The following ROBO2 variants were observed in gnomAD, a reference collection of about 807,000 sequenced individuals.
ROBO2 encodes roundabout homolog 2.
In ROBO2, 53 loss-of-function variants were observed where a neutral mutation model predicts 160.8. That is an observed-to-expected ratio of 0.33 (90% CI 0.26 to 0.41). The LOEUF (loss-of-function observed/expected upper bound fraction) is 0.41, where lower values mean the gene tolerates loss of function less well. ROBO2 is among the 10% of genes least tolerant of loss of function. ROBO2 has a pLI of 1.00. For synonymous variants in ROBO2, 664 were observed against 611.7 expected, an observed-to-expected ratio of 1.09 and a Z score of -1.26; for missense variants, 1,577 against 1,722.4, an observed-to-expected ratio of 0.92 and a Z score of 1.49.
At chr3:76,687,483 A>G (rs72888382) in intron 2 of ROBO2, among the ~76,000 whole-genome samples, 4,740 of 152,184 alleles carry the variant, frequency 0.031, 238 homozygotes, top group African/African-American at 0.1. Context: ...TGACAGTCAC[A>G]TGATCAAAAA....
chr3:76,904,958 C>T (rs2148894967), intron 2 of ROBO2, among the ~76,000 whole-genome samples: 1 of 152,186 alleles, frequency 6.6e-6, no homozygotes, highest in East Asian at 1.9e-4. Flanking sequence ...AAGTATTATC[C>T]TATAAGTAAT....
chr3:76,339,660 T>G (rs2074099031), intron 2 of ROBO2, among the ~76,000 whole-genome samples: 1 of 152,122 alleles, frequency 6.6e-6, no homozygotes, highest in Admixed American at 6.6e-5. Flanking sequence ...TCATTTTTAT[T>G]TGAACAGCAA....
intron 2 of ROBO2, among the ~76,000 whole-genome samples, chr3:76,658,778 T>A (rs575258752): frequency 1.3e-5 from 2 of 152,318 alleles, no homozygotes; most frequent in East Asian, 3.9e-4. Context: ...CTATTGTGAA[T>A]AGTGCTGCAA....
chr3:76,463,180 A>G (rs979757131), intron 2 of ROBO2, among the ~76,000 whole-genome samples: 13 of 152,052 alleles, frequency 8.5e-5, no homozygotes, highest in African/African-American at 2.7e-4. Context: ...ATCGAGTAGT[A>G]TGGGGTGACC....
intron 2 of ROBO2, among the ~76,000 whole-genome samples, chr3:76,436,159 A>ACACACACACACAC (rs1553752320): frequency 2.1e-5 from 3 of 140,522 alleles, no homozygotes; most frequent in Non-Finnish European, 4.6e-5. Flanking sequence ...TTAAAAGGAA[A>ACACACACACACAC]ACACACACAC....
chr3:77,447,075 A>G (rs1414014290), intron 2 of ROBO2, among the ~76,000 whole-genome samples: 1 of 152,162 alleles, frequency 6.6e-6, no homozygotes, highest in African/African-American at 2.4e-5. Flanking sequence ...AAATGAGATC[A>G]GAGTTTGATA....
At chr3:75,925,218 C>T (rs1250051498) in intron 1 of ROBO2, among the ~76,000 whole-genome samples, 2 of 151,816 alleles carry the variant, frequency 1.3e-5, no homozygotes, top group Non-Finnish European at 2.9e-5. Flanking sequence ...CATGGTGAAA[C>T]CCCATCTCTA....
chr3:77,437,557 T>G (rs185943004), intron 2 of ROBO2, among the ~76,000 whole-genome samples: 2 of 152,104 alleles, frequency 1.3e-5, no homozygotes, highest in East Asian at 3.9e-4. Flanking sequence ...TTTTAGTTTA[T>G]TTTTCTTATA....
At chr3:76,798,270 A>AAGAG (rs2063899279) in intron 2 of ROBO2, among the ~76,000 whole-genome samples, 1 of 146,320 alleles carries the variant, frequency 6.8e-6, no homozygotes, top group Non-Finnish European at 1.5e-5. Context: ...GAAAGAAAGA[A>AAGAG]AGAAAGAAAG....
At chr3:76,431,973 C>T (rs548349264) in intron 2 of ROBO2, among the ~76,000 whole-genome samples, 3 of 152,226 alleles carry the variant, frequency 2.0e-5, no homozygotes, top group African/African-American at 7.2e-5. Flanking sequence ...CTCCTAGGCA[C>T]AGGTGTTAGA....
intron 14 of ROBO2, 62 bp downstream of exon 15, chr3:77,574,792 T>G: frequency 8.4e-7 from 1 of 1,191,602 alleles, no homozygotes; most frequent in Non-Finnish European, 1.2e-6. Flanking sequence ...TTACAGTACC[T>G]ATTTGTTATC....
At chr3:76,173,346 T>G (rs1393978952) in intron 2 of ROBO2, among the ~76,000 whole-genome samples, 1 of 151,984 alleles carries the variant, frequency 6.6e-6, no homozygotes. Flanking sequence ...TTATTTTTAT[T>G]TTTTATTATT....
intron 2 of ROBO2, among the ~76,000 whole-genome samples, chr3:76,594,297 T>C (rs1048668817): frequency 1.3e-5 from 2 of 152,056 alleles, no homozygotes; most frequent in African/African-American, 4.8e-5. Context: ...CATAAAAATA[T>C]GAATTTGAGA....
At chr3:76,716,527 G>A (rs936321718) in intron 2 of ROBO2, among the ~76,000 whole-genome samples, 1 of 152,180 alleles carries the variant, frequency 6.6e-6, no homozygotes, top group African/African-American at 2.4e-5. Flanking sequence ...AAACTGCAGT[G>A]TAGATGAATC....
chr3:76,636,803 G>A (rs1286629733), intron 2 of ROBO2, among the ~76,000 whole-genome samples: 2 of 151,872 alleles, frequency 1.3e-5, no homozygotes, highest in East Asian at 3.9e-4. Flanking sequence ...CATAGGAACT[G>A]TAACAAAGGC....
chr3:76,002,299 C>T (rs976688056), intron 2 of ROBO2, among the ~76,000 whole-genome samples: 3 of 152,036 alleles, frequency 2.0e-5, no homozygotes, highest in South Asian at 2.1e-4. Flanking sequence ...AGAATGCCAT[C>T]GATAAGCCAA....
chr3:75,961,869 G>A (rs1948925590), intron 2 of ROBO2, among the ~76,000 whole-genome samples: 1 of 150,722 alleles, frequency 6.6e-6, no homozygotes, highest in South Asian at 2.1e-4. Context: ...AAATATGTCA[G>A]CAAAAATACT....
intron 2 of ROBO2, among the ~76,000 whole-genome samples, chr3:77,422,295 A>G (rs1018924503): frequency 1.3e-5 from 2 of 152,148 alleles, no homozygotes; most frequent in Non-Finnish European, 2.9e-5. Context: ...TGCTCACTGT[A>G]TCTTCTGGTG....
intron 2 of ROBO2, among the ~76,000 whole-genome samples, chr3:76,184,656 A>G (rs549575043): frequency 4.3e-4 from 65 of 152,094 alleles, no homozygotes; most frequent in South Asian, 6.2e-4. Flanking sequence ...TCCCATGGAC[A>G]GGCATGTGCA....
Sources: allele counts gnomAD v4.1 joint callset (sites outside exome capture counted in the v4.1 genomes callset), GRCh38; gene constraint gnomAD v4.1.1; transcripts MANE v1.5; gene names NCBI Gene and HGNC (gene_info 2026-07-23, HGNC 2026-07-21).